The following BCAT1 variants were observed in gnomAD, a reference collection of about 807,000 sequenced individuals.
BCAT1 encodes branched chain amino acid transaminase 1, also known as branched-chain-amino-acid aminotransferase, cytosolic.
In BCAT1, 48 loss-of-function variants were observed where a neutral mutation model predicts 52.4. The observed-to-expected ratio is 0.92, with a 90% CI of 0.73 to 1.16. BCAT1 has a LOEUF of 1.16. Ranked by LOEUF, BCAT1 falls within the 50% of genes most tolerant of loss-of-function variation. The probability of loss-of-function intolerance (pLI) is 0.00; values close to 1 mark genes in which losing one functional copy is unlikely to be tolerated. For synonymous variants in BCAT1, 167 were observed against 161.3 expected, an observed-to-expected ratio of 1.04 and a Z score of -0.27; for missense variants, 451 against 457.1, an observed-to-expected ratio of 0.99 and a Z score of 0.12.
rs529975962 is a variant in BCAT1, at chr12:24,905,635, A to G, written c.7-3750T>C. On this transcript the variant is annotated intron_variant, in intron 1 of 10. Coordinates refer to ENST00000261192, the MANE Select transcript of BCAT1 (RefSeq NM_005504.7). ...TACGGTAATATAATTTCTTCATTCA[A>G]GAAGTGCTATTAGTCAGCAACAGCT... Among the ~76,000 whole-genome samples, 12 of 152,312 alleles carry G rather than the reference A, an allele frequency of 7.9e-5. No individual in the cohort carries two copies. In the East Asian group the frequency reaches 2.1e-3, roughly 27 times the overall value.
intron 10 of BCAT1, among the ~76,000 whole-genome samples, chr12:24,826,008 T>C (rs188558585): frequency 6.6e-6 from 1 of 152,120 alleles, no homozygotes; most frequent in Non-Finnish European, 1.5e-5. Context: ...GTTCAGGAGT[T>C]CGAGACCAGC....
At chr12:24,831,814 C>T (rs1195025897) in intron 9 of BCAT1, among the ~76,000 whole-genome samples, 1 of 152,106 alleles carries the variant, frequency 6.6e-6, no homozygotes, top group Non-Finnish European at 1.5e-5. Context: ...AAGTTAGATG[C>T]CAATGTTAAT....
At chr12:24,844,994 C>G (rs1277846464) in intron 6 of BCAT1, among the ~76,000 whole-genome samples, 1 of 149,274 alleles carries the variant, frequency 6.7e-6, no homozygotes, top group Non-Finnish European at 1.5e-5. Flanking sequence ...GGGCAAGTTA[C>G]TTGAGGTCAG....
chr12:24,813,324 T>C lies in BCAT1; in HGVS notation c.*4684A>G, dbSNP rs1487225372. On this transcript the variant is annotated 3_prime_UTR_variant, in exon 11 of 11. Coordinates refer to ENST00000261192, the MANE Select transcript of BCAT1 (RefSeq NM_005504.7). ...GGGTTTGTGGTAATGATAAAAAATT[T>C]ATCTCTTTCCACACATTTAAGACCT... The C allele has an allele frequency of 2.0e-5, 3 of 152,070 alleles. No individual in the cohort carries two copies. Among genetic ancestry groups the C allele is most frequent in the Non-Finnish European group, 4.4e-5 (3 of 67,910 alleles). 9.4% of individuals were successfully genotyped at this position (152,070 alleles called of 1,614,324 possible).
chr12:24,849,176 C>A (rs896938824), intron 6 of BCAT1, among the ~76,000 whole-genome samples: 1 of 152,254 alleles, frequency 6.6e-6, no homozygotes, highest in African/African-American at 2.4e-5. Context: ...TGGCCAAGTC[C>A]ACCCCTGAAA....
At chr12:24,945,424 T>C (rs1417958886) in intron 1 of BCAT1, 1 of 152,216 alleles carries the variant, frequency 6.6e-6, no homozygotes, top group Admixed American at 6.5e-5. Flanking sequence ...GTAGGAACAT[T>C]TACCATATGT....
intron 1 of BCAT1, 57 bp downstream of exon 1, chr12:24,948,870 C>T: frequency 6.4e-7 from 1 of 1,564,764 alleles, no homozygotes; most frequent in Non-Finnish European, 8.7e-7. Flanking sequence ...GGAGAAATCG[C>T]CGGTTCGATT....
chr12:24,881,493 T>C, intron 3 of BCAT1, 82 bp from the exon 4 acceptor site: 1 of 798,314 alleles, frequency 1.3e-6, no homozygotes, highest in East Asian at 2.5e-5. Flanking sequence ...CCTATGGGCG[T>C]TCATCTTATT....
chr12:24,944,766 A>G (rs138531246), intron 1 of BCAT1, among the ~76,000 whole-genome samples: 1 of 152,226 alleles, frequency 6.6e-6, no homozygotes, highest in Non-Finnish European at 1.5e-5. Flanking sequence ...GAGTTTTGCA[A>G]GTATTTCACA....
Position 24,832,643 on chromosome 12 carries a change from A to G in BCAT1, c.1044+80T>C, listed in dbSNP as rs1050043801. On this transcript the variant is annotated intron_variant, in intron 9 of 10. Transcript: ENST00000261192. ...TTGCATCTTGGGTCTGGGTCCAGAT[A>G]CAATTTTATTCATACACTTAAATTA... 2.0e-5 allele frequency: 29 copies of G among 1,429,186 alleles called. No individual in the cohort carries two copies. The African/African-American group carries it at 3.6e-4, about 18-fold the overall frequency. The allele number at this position is 1,429,186 out of a possible 1,614,324, so 88.5% of individuals were successfully genotyped here. A position where few individuals can be genotyped will look rare whatever the true frequency, so the allele number is the denominator to read the frequency against.
intron 5 of BCAT1, among the ~76,000 whole-genome samples, chr12:24,869,243 G>T (rs1332156983): frequency 1.3e-5 from 2 of 152,156 alleles, no homozygotes; most frequent in African/African-American, 4.8e-5. Flanking sequence ...CAGCCAAGTG[G>T]GAAGAAGACC....
At chr12:24,899,811 A>T (rs1046816178) in intron 2 of BCAT1, among the ~76,000 whole-genome samples, 1 of 150,320 alleles carries the variant, frequency 6.7e-6, no homozygotes, top group Non-Finnish European at 1.5e-5. Flanking sequence ...CAAATATTGC[A>T]TGTTCTCACT....
intron 6 of BCAT1, among the ~76,000 whole-genome samples, chr12:24,844,563 T>G (rs553420921): frequency 6.6e-6 from 1 of 152,174 alleles, no homozygotes; most frequent in Non-Finnish European, 1.5e-5. Flanking sequence ...GTGATTGCCA[T>G]TGGAGCACGA....
rs1457355600 is a variant in BCAT1, at chr12:24,845,049, C to G, written c.675-2825G>C. ...CTAACATGGTGAAACCCTGTCTCTA[C>G]CAAAAATATAAAAAACTAGCTGGGT... On this transcript the variant is annotated intron_variant, in intron 6 of 10. Coordinates refer to ENST00000261192, the MANE Select transcript of BCAT1 (RefSeq NM_005504.7). Among the ~76,000 whole-genome samples, 7 of 151,334 alleles carry G rather than the reference C, an allele frequency of 4.6e-5. No individual in the cohort carries two copies. In the East Asian group the frequency reaches 1.4e-3, roughly 29 times the overall value.
At chr12:24,891,834 C>T (rs945576868) in intron 3 of BCAT1, among the ~76,000 whole-genome samples, 3 of 151,568 alleles carry the variant, frequency 2.0e-5, no homozygotes, top group East Asian at 1.9e-4. Flanking sequence ...CTGCAAACTC[C>T]GCCTCCTGGG....
intron 2 of BCAT1, among the ~76,000 whole-genome samples, chr12:24,895,549 A>AGAAAG (rs1363417043): frequency 6.6e-6 from 1 of 151,888 alleles, no homozygotes; most frequent in East Asian, 1.9e-4. Flanking sequence ...AGAAAAGAAA[A>AGAAAG]GAAGAGAAAA....
At chr12:24,910,004 A>T (rs1367328350) in intron 1 of BCAT1, among the ~76,000 whole-genome samples, 3 of 152,138 alleles carry the variant, frequency 2.0e-5, no homozygotes, top group Non-Finnish European at 4.4e-5. Flanking sequence ...CTGATTAAAA[A>T]CACATGAGAG....
chr12:24,947,505 G>A (rs1200465121), intron 1 of BCAT1, among the ~76,000 whole-genome samples: 1 of 152,138 alleles, frequency 6.6e-6, no homozygotes, highest in Non-Finnish European at 1.5e-5. Flanking sequence ...AGAGATAAGT[G>A]GAAAGATGTT....
At chr12:24,922,154 A>T (rs1434784458) in intron 1 of BCAT1, among the ~76,000 whole-genome samples, 1 of 152,158 alleles carries the variant, frequency 6.6e-6, no homozygotes, top group Non-Finnish European at 1.5e-5. Flanking sequence ...CGCAAACACA[A>T]GATTGTTCCT....
Sources: gnomAD v4.1 joint callset for allele counts (sites outside exome capture counted in the v4.1 genomes callset) on GRCh38, gnomAD v4.1.1 for gene constraint, MANE v1.5 for transcripts, NCBI Gene and HGNC (gene_info 2026-07-23, HGNC 2026-07-21) for gene names.